The following KDM2A variants were observed in gnomAD, a reference collection of about 807,000 sequenced individuals.
The protein encoded by KDM2A is lysine demethylase 2A.
In KDM2A, 3 loss-of-function variants were observed where a neutral mutation model predicts 137.3. The ratio of observed to expected loss-of-function variants is 0.02; its 90% CI spans 0.01 to 0.06. The LOEUF (loss-of-function observed/expected upper bound fraction) is 0.06. KDM2A is among the 10% of genes least tolerant of loss of function. The probability of loss-of-function intolerance (pLI) is 1.00; values close to 1 mark genes in which losing one functional copy is unlikely to be tolerated. For synonymous variants in KDM2A, 512 were observed against 541.5 expected, an observed-to-expected ratio of 0.95 and a Z score of 0.76; for missense variants, 738 against 1,510.6, an observed-to-expected ratio of 0.49 and a Z score of 8.48.
At chr11:67,207,987 C>T (rs1038935283) in intron 6 of KDM2A, among the ~76,000 whole-genome samples, 1 of 152,074 alleles carries the variant, frequency 6.6e-6, no homozygotes, top group African/African-American at 2.4e-5. Context: ...CCGGTGATTG[C>T]ACCACTGCAT....
intron 9 of KDM2A, 26 bp downstream of exon 9, chr11:67,217,910 A>G: frequency 1.3e-6 from 2 of 1,550,126 alleles, no homozygotes; most frequent in Non-Finnish European, 1.7e-6. Flanking sequence ...AGAGTGGGTT[A>G]TTTAGCCATT....
At chr11:67,137,964 A>AT (rs1856004891) in intron 2 of KDM2A, among the ~76,000 whole-genome samples, 1 of 151,966 alleles carries the variant, frequency 6.6e-6, no homozygotes, top group Non-Finnish European at 1.5e-5. Context: ...TGCCCGGCTA[A>AT]TTTTTTGTAT....
intron 2 of KDM2A, among the ~76,000 whole-genome samples, chr11:67,126,161 G>C (rs1457679964): frequency 6.7e-6 from 1 of 149,576 alleles, no homozygotes; most frequent in Non-Finnish European, 1.5e-5. Flanking sequence ...CAGGAGAATC[G>C]CTTGAACCCG....
intron 10 of KDM2A, among the ~76,000 whole-genome samples, chr11:67,225,006 T>G (rs1858494543): frequency 6.6e-6 from 1 of 151,578 alleles, no homozygotes; most frequent in Non-Finnish European, 1.5e-5. Flanking sequence ...CACGCTAATT[T>G]TTGTATTTCT....
intron 8 of KDM2A, chr11:67,217,475 C>G (rs1040809552): frequency 6.4e-6 from 3 of 466,824 alleles, no homozygotes; most frequent in South Asian, 4.5e-5. Context: ...TGAATGGTCC[C>G]TCTTCTCTCC....
intron 18 of KDM2A, among the ~76,000 whole-genome samples, chr11:67,253,172 C>G (rs1859489125): frequency 6.6e-6 from 1 of 152,176 alleles, no homozygotes; most frequent in South Asian, 2.1e-4. Context: ...TGGTCAGCTC[C>G]TTATAAGCCC....
chr11:67,170,859 C>T (rs1229285465), intron 2 of KDM2A, among the ~76,000 whole-genome samples: 2 of 152,028 alleles, frequency 1.3e-5, no homozygotes, highest in Non-Finnish European at 1.5e-5. Context: ...CTGGTCTGGT[C>T]GAAGTCTCAA....
chr11:67,199,569 C>T (rs1456096182), intron 5 of KDM2A, among the ~76,000 whole-genome samples: 3 of 152,140 alleles, frequency 2.0e-5, no homozygotes, highest in African/African-American at 7.2e-5. Flanking sequence ...CTTAACAAAC[C>T]CTAAGCCACA....
At chr11:67,237,602 A>T (rs1227990146) in intron 12 of KDM2A, among the ~76,000 whole-genome samples, 2 of 151,910 alleles carry the variant, frequency 1.3e-5, no homozygotes, top group South Asian at 4.1e-4. Flanking sequence ...CAACCAACTC[A>T]GCTTTTTGTT....
intron 5 of KDM2A, among the ~76,000 whole-genome samples, chr11:67,192,105 CT>C (rs1196370236): frequency 6.6e-6 from 1 of 152,106 alleles, no homozygotes; most frequent in Non-Finnish European, 1.5e-5. Context: ...AGAAATTAAC[CT>C]TTTGCCATAT....
intron 12 of KDM2A, among the ~76,000 whole-genome samples, chr11:67,232,698 TA>T (rs1477840271): frequency 6.0e-5 from 9 of 150,766 alleles, no homozygotes; most frequent in Admixed American, 1.3e-4. Flanking sequence ...TTTTTTTTTT[TA>T]ATTTTAATTA....
rs1858974006 is a variant in KDM2A, at chr11:67,239,906, T to C, written c.1480-3103T>C. ...GACAGGGCGGGGGCTGTGGCTGAGC[T>C]CTCCTCCCTGGCAGGGCCTCTTCCA... On this transcript the variant is annotated intron_variant, in intron 12 of 20. Transcript: ENST00000529006. 3 of 344,842 alleles carry C rather than the reference T, an allele frequency of 8.7e-6. No homozygotes were observed. In the South Asian group the frequency reaches 2.6e-4, roughly 30 times the overall value. 21.4% of individuals were successfully genotyped at this position (344,842 alleles called of 1,614,324 possible). A position where few individuals can be genotyped will look rare whatever the true frequency, so the allele number is the denominator to read the frequency against.
intron 1 of KDM2A, among the ~76,000 whole-genome samples, chr11:67,120,335 C>T (rs1410543895): frequency 6.6e-6 from 1 of 152,212 alleles, no homozygotes; most frequent in African/African-American, 2.4e-5. Flanking sequence ...TCATCGGGTC[C>T]TCTGGTCTCG....
intron 2 of KDM2A, among the ~76,000 whole-genome samples, chr11:67,142,031 TTTCA>T (rs949179187): frequency 1.2e-4 from 18 of 152,016 alleles, no homozygotes; most frequent in Admixed American, 2.6e-4. Flanking sequence ...ATGGTATTTC[TTTCA>T]TTCATTCATT....
intron 2 of KDM2A, among the ~76,000 whole-genome samples, chr11:67,152,905 AGTGTGTGTGTGTGTGTGT>A (rs146532672): frequency 0.011 from 1,598 of 142,722 alleles, 15 homozygotes; most frequent in Non-Finnish European, 0.017. Context: ...ACAGTGCCAG[AGTGTGTGTGTGTGTGTGT>A]GTGTGTGTGT....
At chr11:67,148,956 G>C (rs963043357) in intron 2 of KDM2A, 8 of 152,132 alleles carry the variant, frequency 5.3e-5, no homozygotes, top group Admixed American at 3.3e-4. Context: ...CTTAAATCTT[G>C]TAAACTATTT....
chr11:67,188,310 G>A (rs557804343), intron 5 of KDM2A, among the ~76,000 whole-genome samples: 121 of 151,984 alleles, frequency 8.0e-4, no homozygotes, highest in Middle Eastern at 6.8e-3. Flanking sequence ...GTGAAACCCC[G>A]TCTCTACTAA....
intron 5 of KDM2A, chr11:67,196,123 ACATAGTCACC>A (rs1857475397): frequency 2.6e-6 from 1 of 387,508 alleles, no homozygotes; most frequent in Admixed American, 3.1e-5. Flanking sequence ...AGGAGCAACG[ACATAGTCACC>A]CATATTAGGG....
At chr11:67,166,703 G>A (rs1443038343) in intron 2 of KDM2A, among the ~76,000 whole-genome samples, 4 of 151,752 alleles carry the variant, frequency 2.6e-5, no homozygotes, top group Non-Finnish European at 5.9e-5. Flanking sequence ...ACTAAGTTTG[G>A]CATCAATATG....
Sources: allele counts gnomAD v4.1 joint callset (sites outside exome capture counted in the v4.1 genomes callset), GRCh38; gene constraint gnomAD v4.1.1; transcripts MANE v1.5; gene names NCBI Gene and HGNC (gene_info 2026-07-23, HGNC 2026-07-21).